Variants in FRAS1 observed in about 807,000 individuals in gnomAD.
The protein encoded by FRAS1 is extracellular matrix organizing protein FRAS1.
A neutral mutation model predicts 435.2 loss-of-function variants in FRAS1; 290 were observed. The ratio of observed to expected loss-of-function variants is 0.67; its 90% CI spans 0.61 to 0.73. FRAS1 has a LOEUF of 0.73. Ranked by LOEUF, FRAS1 falls within the 30% of genes least tolerant of loss-of-function variation. The pLI is 0.00. For synonymous variants in FRAS1, 1,800 were observed against 1,851.0 expected, an observed-to-expected ratio of 0.97 and a Z score of 0.71; for missense variants, 4,860 against 5,001.5, an observed-to-expected ratio of 0.97 and a Z score of 0.85.
At chr4:78,416,093 G>A (rs559905759) in intron 32 of FRAS1, among the ~76,000 whole-genome samples, 2 of 152,104 alleles carry the variant, frequency 1.3e-5, no homozygotes, top group East Asian at 1.9e-4. Flanking sequence ...CAGAGAGAGA[G>A]GAATATTATT....
intron 3 of FRAS1, among the ~76,000 whole-genome samples, chr4:78,241,040 A>G (rs1255693710): frequency 6.6e-6 from 1 of 152,084 alleles, no homozygotes; most frequent in African/African-American, 2.4e-5. Flanking sequence ...GTTGATCTCA[A>G]TGGAGTGGGG....
At chr4:78,140,695 G>GTATATA (rs1179694658) in intron 2 of FRAS1, among the ~76,000 whole-genome samples, 6 of 74,590 alleles carry the variant, frequency 8.0e-5, no homozygotes, top group East Asian at 7.6e-4. Context: ...ATATACATAT[G>GTATATA]TGTATATGCA....
chr4:78,284,617 C>T (rs1204198307), intron 13 of FRAS1, 69 bp downstream of exon 13: 1 of 1,424,222 alleles, frequency 7.0e-7, no homozygotes, highest in African/African-American at 1.4e-5. Context: ...GGTTGTGATT[C>T]TTAAACTGAG....
chr4:78,309,396 C>T lies in FRAS1; in HGVS notation c.1678+1187C>T, dbSNP rs72866304. Among the ~76,000 whole-genome samples, 1,495 of 152,314 alleles carry T rather than the reference C, an allele frequency of 9.8e-3. 14 individuals carry two copies. Among genetic ancestry groups the T allele is most frequent in the African/African-American group, 0.034 (1,432 of 41,558 alleles). Reference sequence around the variant, plus strand: ...GCTGTTGAGAGATCGAGTTAAGATACGCAAAGCACTTAGGATACTGCCTGG... The same window carrying T: ...GCTGTTGAGAGATCGAGTTAAGATATGCAAAGCACTTAGGATACTGCCTGG... On this transcript the variant is annotated intron_variant, in intron 15 of 73. Transcript: ENST00000512123.
At chr4:78,172,014 A>C (rs779207369) in intron 2 of FRAS1, among the ~76,000 whole-genome samples, 1 of 152,114 alleles carries the variant, frequency 6.6e-6, no homozygotes, top group Non-Finnish European at 1.5e-5. Flanking sequence ...TCTTTACCTT[A>C]AATGCCTTTT....
intron 2 of FRAS1, among the ~76,000 whole-genome samples, chr4:78,174,230 T>A (rs1721671435): frequency 6.6e-6 from 1 of 152,246 alleles, no homozygotes; most frequent in Non-Finnish European, 1.5e-5. Context: ...GCTCATGTTC[T>A]TGACTACAAG....
At chr4:78,485,234 T>C (rs1301220884) in intron 58 of FRAS1, among the ~76,000 whole-genome samples, 2 of 152,238 alleles carry the variant, frequency 1.3e-5, no homozygotes, top group African/African-American at 4.8e-5. Flanking sequence ...CCTGCTGTAA[T>C]ACCTGGCACA....
At chr4:78,265,274 GA>G (rs1271510866) in intron 7 of FRAS1, among the ~76,000 whole-genome samples, 166 bp downstream of exon 7, 2 of 152,072 alleles carry the variant, frequency 1.3e-5, no homozygotes, top group East Asian at 1.9e-4. Context: ...AAACTTGTAG[GA>G]AAAAATTAAG....
intron 23 of FRAS1, among the ~76,000 whole-genome samples, chr4:78,371,219 C>A (rs1031708776): frequency 6.6e-6 from 1 of 151,312 alleles, no homozygotes; most frequent in African/African-American, 2.4e-5. Flanking sequence ...CTGTTTTAGT[C>A]ATTTTCCCTC....
intron 2 of FRAS1, among the ~76,000 whole-genome samples, chr4:78,117,984 A>C (rs1340661180): frequency 6.6e-6 from 1 of 152,016 alleles, no homozygotes; most frequent in Admixed American, 6.6e-5. Context: ...GTCTTTGATG[A>C]TGGTGACGAA....
intron 54 of FRAS1, 122 bp from the exon 55 acceptor site, chr4:78,477,693 C>T (rs1257527176): frequency 8.1e-7 from 1 of 1,241,368 alleles, no homozygotes; most frequent in African/African-American, 1.5e-5. Context: ...CTGGGAGAAC[C>T]AGCTATTTCA....
chr4:78,415,667 C>T (rs1027071955), intron 32 of FRAS1, among the ~76,000 whole-genome samples: 1 of 152,146 alleles, frequency 6.6e-6, no homozygotes, highest in Non-Finnish European at 1.5e-5. Flanking sequence ...AGCATAAAAT[C>T]TGTTAAGTGA....
At chr4:78,535,087 A>C (rs1352723320) in intron 71 of FRAS1, among the ~76,000 whole-genome samples, 1 of 152,062 alleles carries the variant, frequency 6.6e-6, no homozygotes. Flanking sequence ...ATGACACCAA[A>C]TTGATGTATT....
At chr4:78,430,095 C>A (rs2054721) in intron 36 of FRAS1, among the ~76,000 whole-genome samples, 197 bp from the exon 37 acceptor site, 105,893 of 151,954 alleles carry the variant, frequency 0.7, 37,179 homozygotes, top group Non-Finnish European at 0.74. Flanking sequence ...CTTTTGGAAG[C>A]ACCTACTTGC....
chr4:78,246,749 A>T (rs1051830758), intron 4 of FRAS1, among the ~76,000 whole-genome samples: 2 of 34,428 alleles, frequency 5.8e-5, no homozygotes, highest in African/African-American at 5.4e-5. Context: ...ATCTGGGGGA[A>T]AAAAAAAACC....
chr4:78,265,372 GA>G (rs1290079554), intron 7 of FRAS1, among the ~76,000 whole-genome samples: 1 of 152,092 alleles, frequency 6.6e-6, no homozygotes, highest in East Asian at 1.9e-4. Context: ...CACATGTCTT[GA>G]GGGGGAAAAA....
At chr4:78,185,083 A>G (rs778157093) in intron 2 of FRAS1, among the ~76,000 whole-genome samples, 35 of 152,236 alleles carry the variant, frequency 2.3e-4, no homozygotes, top group Non-Finnish European at 4.8e-4. Context: ...ACTGTCTACC[A>G]TGATGCTTCT....
chr4:78,329,668 C>T (rs951930299), intron 18 of FRAS1, among the ~76,000 whole-genome samples: 1 of 152,192 alleles, frequency 6.6e-6, no homozygotes, highest in Non-Finnish European at 1.5e-5. Flanking sequence ...TATTGGAATA[C>T]TTCGGATTTC....
intron 6 of FRAS1, among the ~76,000 whole-genome samples, chr4:78,259,866 T>A (rs1048352806): frequency 8.5e-5 from 13 of 152,236 alleles, no homozygotes; most frequent in South Asian, 2.1e-4. Context: ...CTTTAATCCA[T>A]CTTGAATTGA....
Sources: allele counts gnomAD v4.1 joint callset (sites outside exome capture counted in the v4.1 genomes callset), GRCh38; gene constraint gnomAD v4.1.1; transcripts MANE v1.5; gene names NCBI Gene and HGNC (gene_info 2026-07-23, HGNC 2026-07-21).